Variants in PCDH15 observed in about 807,000 individuals in gnomAD.
PCDH15 encodes the protein protocadherin related 15.
In PCDH15, 129 loss-of-function variants were observed where a neutral mutation model predicts 178.5. The ratio of observed to expected loss-of-function variants is 0.72; its 90% CI spans 0.63 to 0.84. PCDH15 has a LOEUF of 0.84. PCDH15 is among the 40% of genes least tolerant of loss of function. The pLI is 0.00. For missense variants in PCDH15, 2,230 were observed against 2,099.9 expected, an observed-to-expected ratio of 1.06 and a Z score of -1.21; for synonymous variants, 800 against 732.0, an observed-to-expected ratio of 1.09 and a Z score of -1.50.
intron 23 of PCDH15, among the ~76,000 whole-genome samples, chr10:53,943,351 C>T (rs1400479599): frequency 6.6e-6 from 1 of 151,952 alleles, no homozygotes; most frequent in Non-Finnish European, 1.5e-5. Flanking sequence ...TGGTGTGCTC[C>T]TATAGTCCCA....
At chr10:55,522,747 G>A (rs183347693) in intron 2 of PCDH15, among the ~76,000 whole-genome samples, 2 of 151,760 alleles carry the variant, frequency 1.3e-5, no homozygotes, top group Admixed American at 6.6e-5. Context: ...AATACTATTG[G>A]ATGTTTTTAA....
At chr10:55,546,962 G>C (rs1841896397) in intron 2 of PCDH15, among the ~76,000 whole-genome samples, 1 of 151,900 alleles carries the variant, frequency 6.6e-6, no homozygotes, top group Non-Finnish European at 1.5e-5. Flanking sequence ...GGGAAAAGAA[G>C]GGAAATAGAA....
intron 18 of PCDH15, among the ~76,000 whole-genome samples, chr10:54,064,670 A>C (rs1440482804): frequency 6.6e-6 from 1 of 152,176 alleles, no homozygotes; most frequent in Admixed American, 6.5e-5. Flanking sequence ...GGGGGCTGGC[A>C]TGTCAGCACC....
intron 3 of PCDH15, among the ~76,000 whole-genome samples, chr10:54,865,811 A>T (rs1953929238): frequency 6.6e-6 from 1 of 152,208 alleles, no homozygotes. Context: ...CAATCTAATG[A>T]TGTAATGTTT....
chr10:54,539,011 AG>A (rs1296771179), intron 2 of PCDH15, among the ~76,000 whole-genome samples: 26 of 152,308 alleles, frequency 1.7e-4, no homozygotes, highest in Admixed American at 1.1e-3. Context: ...ATTGCTTTAG[AG>A]ATTATGGCAA....
intron 25 of PCDH15, among the ~76,000 whole-genome samples, chr10:53,921,819 C>T (rs180733551): frequency 1.6e-4 from 25 of 152,242 alleles, no homozygotes; most frequent in African/African-American, 5.3e-4. Flanking sequence ...TCTGCTGTTT[C>T]CAACTTACTA....
At chr10:54,094,078 G>C (rs2094651497) in intron 15 of PCDH15, among the ~76,000 whole-genome samples, 1 of 152,116 alleles carries the variant, frequency 6.6e-6, no homozygotes, top group Non-Finnish European at 1.5e-5. Flanking sequence ...CCTGGATTCA[G>C]CCTCAGCTAT....
chr10:55,134,210 G>A (rs1838131678), intron 2 of PCDH15, among the ~76,000 whole-genome samples: 1 of 152,026 alleles, frequency 6.6e-6, no homozygotes, highest in Admixed American at 6.6e-5. Flanking sequence ...ATTCATCCAA[G>A]TCAACAATTC....
intron 2 of PCDH15, among the ~76,000 whole-genome samples, chr10:54,637,060 GTATCAC>G (rs1418333163): frequency 6.8e-6 from 1 of 146,586 alleles, no homozygotes; most frequent in Non-Finnish European, 1.5e-5. Context: ...TTTCTACTCT[GTATCAC>G]TATATCTATT....
intron 2 of PCDH15, among the ~76,000 whole-genome samples, chr10:55,060,978 A>G (rs1392026948): frequency 6.6e-6 from 1 of 152,114 alleles, no homozygotes; most frequent in Non-Finnish European, 1.5e-5. Context: ...CAAACTTCCT[A>G]GAAGAAAAAA....
At chr10:53,940,732 A>T in intron 24 of PCDH15, 134 bp downstream of exon 24, 1 of 720,434 alleles carries the variant, frequency 1.4e-6, no homozygotes, top group Non-Finnish European at 2.4e-6. Context: ...ATACATGGTT[A>T]ACAATTACAT....
chr10:54,814,000 G>A (rs1188586354), intron 3 of PCDH15, among the ~76,000 whole-genome samples: 3 of 151,946 alleles, frequency 2.0e-5, no homozygotes, highest in Non-Finnish European at 4.4e-5. Flanking sequence ...CTGTTCATAT[G>A]CTAATATTTC....
At position 54,726,419 on chromosome 10, in the gene PCDH15, G is replaced by GGTGTGT. The variant is rs72051103; in HGVS notation, c.-28-62135_-28-62130dup. Among the ~76,000 whole-genome samples, 30 of 19,522 alleles carry GGTGTGT rather than the reference G, an allele frequency of 1.5e-3. 2 individuals are homozygous for GGTGTGT. Among genetic ancestry groups the GGTGTGT allele is most frequent in the East Asian group, 6.9e-3 (17 of 2,450 alleles). 12.8% of individuals were successfully genotyped at this position (19,522 alleles called of 152,430 possible). A position where few individuals can be genotyped will look rare whatever the true frequency, so the allele number is the denominator to read the frequency against. On this transcript the variant is annotated intron_variant, in intron 1 of 37. Coordinates refer to ENST00000644397, the MANE Select transcript of PCDH15 (RefSeq NM_001384140.1). ...CTTTAGCACATTTCTACCCATCAGG[G>GGTGTGT]GTGTGTGTGTGTGTGTGTGTGTGTG...
In PCDH15 at chr10:54,862,083, T is replaced by C. The variant is rs147490585; in HGVS notation, c.-29+35367A>G. 6.8e-4 allele frequency among the ~76,000 whole-genome samples: 103 copies of C among 152,276 alleles called. 2 individuals are homozygous for C. The East Asian group carries it at 0.019, about 28-fold the overall frequency. On this transcript the variant is annotated intron_variant, in intron 3 of 5. Coordinates refer to the PCDH15 transcript ENST00000458638. Reference sequence around the variant, plus strand: ...CTAAAGAATCTTCAGAGATGGAATATGAATAATAATTACATCATAGTTATA... The same window carrying C: ...CTAAAGAATCTTCAGAGATGGAATACGAATAATAATTACATCATAGTTATA...
At chr10:54,850,293 T>G (rs1953594389) in intron 3 of PCDH15, among the ~76,000 whole-genome samples, 2 of 152,158 alleles carry the variant, frequency 1.3e-5, no homozygotes. Flanking sequence ...TATATTTTTA[T>G]TTTTTATTTC....
chr10:54,725,787 C>G lies in PCDH15; in HGVS notation c.-28-61497G>C, dbSNP rs902487072. Among the ~76,000 whole-genome samples the G allele has an allele frequency of 2.6e-5, 4 of 151,174 alleles. No individual in the cohort carries two copies. The South Asian group carries it at 8.3e-4, about 31-fold the overall frequency. On this transcript the variant is annotated intron_variant, in intron 1 of 37. Coordinates refer to ENST00000644397, the MANE Select transcript of PCDH15 (RefSeq NM_001384140.1). The stretch of plus-strand genomic sequence containing the variant: ...ATACCATCCATGTGAGTGGCTGAGC[C>G]TAGTAATAATTTGCAGTAAATATTA...
chr10:55,076,743 C>T (rs1841898068), intron 2 of PCDH15, among the ~76,000 whole-genome samples: 2 of 150,436 alleles, frequency 1.3e-5, no homozygotes, highest in Non-Finnish European at 3.0e-5. Flanking sequence ...CAGGCATGAG[C>T]CATCATGTGT....
chr10:54,300,647 G>C (rs994382716), intron 8 of PCDH15, among the ~76,000 whole-genome samples: 1 of 152,170 alleles, frequency 6.6e-6, no homozygotes, highest in Non-Finnish European at 1.5e-5. Context: ...GAGCTTCTGG[G>C]TCGGATGGGG....
At chr10:55,499,226 G>A (rs896444694) in intron 2 of PCDH15, among the ~76,000 whole-genome samples, 12 of 151,826 alleles carry the variant, frequency 7.9e-5, no homozygotes, top group African/African-American at 2.9e-4. Flanking sequence ...ATAACTACAT[G>A]TTTTAAGTTG....
Sources: gnomAD v4.1 joint callset for allele counts (sites outside exome capture counted in the v4.1 genomes callset) on GRCh38, gnomAD v4.1.1 for gene constraint, MANE v1.5 for transcripts, NCBI Gene and HGNC (gene_info 2026-07-23, HGNC 2026-07-21) for gene names.